The following ATP2B3 variants were observed in gnomAD, a reference collection of about 807,000 sequenced individuals.
The protein encoded by ATP2B3 is ATPase plasma membrane Ca2+ transporting 3, also known as plasma membrane calcium-transporting ATPase 3.
Under a neutral mutation model 70.8 loss-of-function variants are expected in ATP2B3, and 12 were observed. That is an observed-to-expected ratio of 0.17 (90% CI 0.11 to 0.27). The LOEUF (loss-of-function observed/expected upper bound fraction) is 0.27. Ranked by LOEUF, ATP2B3 falls within the 10% of genes least tolerant of loss-of-function variation. The pLI is 1.00. For missense variants in ATP2B3, 858 were observed against 1,118.5 expected (o/e 0.77, Z 3.32); for synonymous variants, 460 against 497.8 (o/e 0.92, Z 1.01).
chrX:153,550,342 C>T, intron 12 of ATP2B3, 56 bp downstream of exon 12: 2 of 1,198,455 alleles, frequency 1.7e-6, no homozygotes, highest in South Asian at 1.8e-5. Flanking sequence ...ATTCTATTGT[C>T]GTGGTAAAAG....
intron 2 of ATP2B3, among the ~76,000 whole-genome samples, chrX:153,528,217 A>G (rs1424801849): frequency 2.7e-5 from 3 of 112,240 alleles, no homozygotes; most frequent in African/African-American, 9.7e-5. Context: ...CAGAGCAGCA[A>G]TGTCGAATCC....
chrX:153,536,860 G>A (rs2090199585), intron 3 of ATP2B3, among the ~76,000 whole-genome samples: 1 of 112,568 alleles, frequency 8.9e-6, no homozygotes, highest in Non-Finnish European at 1.9e-5. Context: ...ACAGGAGGAA[G>A]GGATGCAGGG....
chrX:153,563,535 G>A (rs1224346776), intron 20 of ATP2B3, among the ~76,000 whole-genome samples: 6 of 112,063 alleles, frequency 5.4e-5, no homozygotes, highest in African/African-American at 1.3e-4. Flanking sequence ...TAGTGTCCTC[G>A]GGGACAGCCC....
intron 21 of ATP2B3, among the ~76,000 whole-genome samples, chrX:153,577,657 T>C (rs1557021648): frequency 1.8e-5 from 2 of 112,698 alleles, no homozygotes; most frequent in Admixed American, 1.9e-4. Flanking sequence ...GATAAAGGCC[T>C]GAGTGAGAAT....
chrX:153,538,363 G>A (rs1421205918), intron 3 of ATP2B3, among the ~76,000 whole-genome samples: 5 of 113,120 alleles, frequency 4.4e-5, no homozygotes, highest in Non-Finnish European at 3.8e-5. Context: ...GGCGCATAGT[G>A]CATTGCGGGA....
chrX:153,578,325 A>G (rs2090881620), intron 21 of ATP2B3, among the ~76,000 whole-genome samples: 1 of 112,259 alleles, frequency 8.9e-6, no homozygotes. Context: ...TGTTGGATGA[A>G]CCCCAGGGTC....
chrX:153,567,483 G>A (rs1346055647), intron 21 of ATP2B3, among the ~76,000 whole-genome samples: 3 of 112,826 alleles, frequency 2.7e-5, no homozygotes, highest in South Asian at 3.6e-4. Flanking sequence ...GCCCCTCGGC[G>A]GCCCACTTCA....
chrX:153,559,851 C>T lies in ATP2B3; in HGVS notation c.2748C>T (p.Arg916=), dbSNP rs782535130. The change falls in exon 18 of 22, where the codon CGC becomes CGT. Residue 916 remains arginine (R), a synonymous_variant. Transcript: ENST00000263519. ...ESLLLRKPYG[R]DKPLISRTMM... ...TGCTGCTGCGGAAGCCGTACGGCCG[C>T]GACAAGCCCCTCATCTCCCGCACCA... is the stretch of plus-strand genomic sequence containing the variant. The T allele has an allele frequency of 6.6e-6, 8 of 1,210,529 alleles. No homozygotes were observed. The highest frequency in any genetic ancestry group is 3.5e-5 in the African/African-American group (2 of 57,308).
At chrX:153,529,942 A>C (rs1291192983) in intron 2 of ATP2B3, among the ~76,000 whole-genome samples, 1 of 112,842 alleles carries the variant, frequency 8.9e-6, no homozygotes, top group African/African-American at 3.2e-5. Flanking sequence ...TGGATGGGCC[A>C]CATGGTGTTT....
At chrX:153,534,463 T>G (rs1557003076) in intron 2 of ATP2B3, among the ~76,000 whole-genome samples, 1 of 110,823 alleles carries the variant, frequency 9.0e-6, no homozygotes, top group East Asian at 2.8e-4. Context: ...TTCCCCCCAA[T>G]GCCTGTCCCC....
chrX:153,522,417 C>G (rs1556998129), intron 2 of ATP2B3, among the ~76,000 whole-genome samples: 1 of 112,466 alleles, frequency 8.9e-6, no homozygotes, highest in Non-Finnish European at 1.9e-5. Flanking sequence ...CAGCCGGTAT[C>G]TCCCAGGGCT....
In ATP2B3 at chrX:153,562,143, C is replaced by T. The variant is rs782808676; in HGVS notation, c.3060C>T (p.Ile1020=). 29 of 1,210,225 alleles carry T rather than the reference C, an allele frequency of 2.4e-5. No homozygotes were observed. Among genetic ancestry groups the T allele is most frequent in the South Asian group, 5.3e-5 (3 of 56,911 alleles). ...VLGTFGIQIV[I]VQFGGKPFSC... is the part of the protein sequence containing the mutation. Reference sequence around the variant, plus strand: ...CCACTTGCCCTTCGCAGATTGTCATCGTCCAGTTTGGCGGGAAGCCCTTCA... The same window carrying T: ...CCACTTGCCCTTCGCAGATTGTCATTGTCCAGTTTGGCGGGAAGCCCTTCA... The change falls in exon 20 of 22, where the codon ATC becomes ATT. Residue 1020 remains isoleucine (I), a synonymous_variant. Coordinates refer to ENST00000263519, the MANE Select transcript of ATP2B3 (RefSeq NM_001001344.3).
intron 12 of ATP2B3, 41 bp from the exon 13 acceptor site, chrX:153,552,994 T>TCTCCCCACCTCCACCTCATCTCTGCCCA (rs1557012083): frequency 1.8e-6 from 2 of 1,119,500 alleles, no homozygotes; most frequent in East Asian, 6.0e-5. Flanking sequence ...CTTGTTGTTC[T>TCTCCCCACCTCCACCTCATCTCTGCCCA]CTCCCCACCT....
chrX:153,574,931 A>AAGC (rs1557020953), intron 21 of ATP2B3: 1 of 311,365 alleles, frequency 3.2e-6, no homozygotes, highest in Non-Finnish European at 6.4e-6. Flanking sequence ...TGTAAGGCTC[A>AAGC]GAACTGCTCA....
At position 153,528,100 on chromosome X, in the gene ATP2B3, G is replaced by T. The variant is rs112778872; in HGVS notation, c.-126-8022G>T. ...CAGCACCTGCACTCTGGAACCCTGAGGTTGATGGGGACAGATTTCCTGTCC... is the reference window on the plus strand; with the variant it reads ...CAGCACCTGCACTCTGGAACCCTGATGTTGATGGGGACAGATTTCCTGTCC... On this transcript the variant is annotated intron_variant, in intron 2 of 21. Coordinates refer to ENST00000263519, the MANE Select transcript of ATP2B3 (RefSeq NM_001001344.3). 2.9e-3 allele frequency among the ~76,000 whole-genome samples: 326 copies of T among 113,205 alleles called. 2 individuals are homozygous for T. The highest frequency in any genetic ancestry group is 9.8e-3 in the African/African-American group (307 of 31,243).
At chrX:153,542,545 C>T (rs782006496) in intron 6 of ATP2B3, 97 bp downstream of exon 6, 18 of 1,074,391 alleles carry the variant, frequency 1.7e-5, no homozygotes, top group Non-Finnish European at 2.1e-5. Context: ...TCAGCCTCCA[C>T]CTCCACCAGG....
In ATP2B3 at chrX:153,548,628, G is replaced by T; in HGVS notation, c.1124-12G>T. The T allele has an allele frequency of 5.8e-6, 7 of 1,203,419 alleles. No homozygotes were observed. Among genetic ancestry groups the T allele is most frequent in the Non-Finnish European group, 2.2e-6 (2 of 889,991 alleles). The stretch of plus-strand genomic sequence containing the variant: ...TGGCAACCCCTTTCGTCTCCTCCCC[G>T]CTCTGTGGCAGGGCTGGTGATGTCT... On this transcript the variant is annotated splice_polypyrimidine_tract_variant and intron_variant, in intron 9 of 21. Transcript: ENST00000263519.
At chrX:153,578,936 C>T (rs1413655902) in intron 21 of ATP2B3, among the ~76,000 whole-genome samples, 1 of 112,663 alleles carries the variant, frequency 8.9e-6, no homozygotes, top group African/African-American at 3.2e-5. Flanking sequence ...TGAGCAGAGA[C>T]AGGCTTTAGT....
Position 153,536,239 on chromosome X carries a change from ACAGGCAG to A in ATP2B3, c.-6_1del. 1 of 1,185,056 alleles carries A rather than the reference ACAGGCAG, an allele frequency of 8.4e-7. No homozygotes were observed. The highest frequency in any genetic ancestry group is 1.1e-6 in the Non-Finnish European group (1 of 881,776). On this transcript the variant is annotated 5_prime_UTR_variant, in exon 3 of 22. Coordinates refer to ENST00000263519, the MANE Select transcript of ATP2B3 (RefSeq NM_001001344.3). Reference sequence around the variant, plus strand: ...AAGATTGCACTTGTGAGAAGGCCTGACAGGCAGCATGGGCGACATGGCCAATAGTTCC... The same window carrying A: ...AAGATTGCACTTGTGAGAAGGCCTGACATGGGCGACATGGCCAATAGTTCC...
Sources: gnomAD v4.1 joint callset for allele counts (sites outside exome capture counted in the v4.1 genomes callset) on GRCh38, gnomAD v4.1.1 for gene constraint, MANE v1.5 for transcripts, NCBI Gene and HGNC (gene_info 2026-07-23, HGNC 2026-07-21) for gene names.